The following DPP10 variants were observed in gnomAD, a reference collection of about 807,000 sequenced individuals.
The protein encoded by DPP10 is inactive dipeptidyl peptidase 10.
Under a neutral mutation model 120.9 loss-of-function variants are expected in DPP10, and 33 were observed. That is an observed-to-expected ratio of 0.27 (90% confidence interval 0.21 to 0.37). The LOEUF is 0.37. Among genes scored for constraint, DPP10 ranks in the 10% least tolerant of loss-of-function variants. DPP10 has a pLI of 1.00. For synonymous variants in DPP10, 337 were observed against 326.1 expected (o/e 1.03, Z -0.36); for missense variants, 816 against 942.8 (o/e 0.87, Z 1.76).
intron 5 of DPP10, among the ~76,000 whole-genome samples, chr2:115,666,986 T>C (rs2089506219): frequency 6.6e-6 from 1 of 152,150 alleles, no homozygotes; most frequent in African/African-American, 2.4e-5. Context: ...GGTACCTGCT[T>C]CCCTTTTGCC....
intron 1 of DPP10, among the ~76,000 whole-genome samples, chr2:114,499,978 C>T (rs1683016570): frequency 6.6e-6 from 1 of 152,214 alleles, no homozygotes; most frequent in South Asian, 2.1e-4. Context: ...ACTTAGGATT[C>T]ATCTGTTGTC....
At chr2:115,390,187 GAAATAGGA>G (rs2067228006) in intron 3 of DPP10, among the ~76,000 whole-genome samples, 1 of 152,154 alleles carries the variant, frequency 6.6e-6, no homozygotes, top group South Asian at 2.1e-4. Context: ...ACTTGAGTTG[GAAATAGGA>G]AAAAGGCAAC....
chr2:115,091,793 C>T lies in DPP10; in HGVS notation c.61-217446C>T, dbSNP rs948951284. ...GTTCCGTTTCTCTCCTCTGAGTGTC[C>T]ATGTTTAGCCCACCTGCCTCTGCAT... On this transcript the variant is annotated intron_variant, in intron 1 of 25. Transcript: ENST00000410059. Among the ~76,000 whole-genome samples, 6 of 152,150 alleles carry T rather than the reference C, an allele frequency of 3.9e-5. No homozygotes were observed. In the East Asian group the frequency reaches 9.6e-4, roughly 24 times the overall value.
At chr2:115,297,791 T>C (rs2060954448) in intron 1 of DPP10, among the ~76,000 whole-genome samples, 1 of 152,080 alleles carries the variant, frequency 6.6e-6, no homozygotes, top group Admixed American at 6.6e-5. Flanking sequence ...ATATGCAGCC[T>C]GCTCATCCCC....
intron 3 of DPP10, among the ~76,000 whole-genome samples, chr2:115,366,588 G>A (rs1003308409): frequency 6.6e-6 from 1 of 151,994 alleles, no homozygotes; most frequent in African/African-American, 2.4e-5. Context: ...CTTATCTACC[G>A]AGTCCTTAGG....
intron 1 of DPP10, among the ~76,000 whole-genome samples, chr2:114,892,451 T>C (rs1692619054): frequency 6.6e-6 from 1 of 152,204 alleles, no homozygotes; most frequent in Non-Finnish European, 1.5e-5. Flanking sequence ...ATGAAATCCA[T>C]GGAGATCTTG....
intron 2 of DPP10, among the ~76,000 whole-genome samples, chr2:115,335,387 G>T (rs1007859621): frequency 6.6e-6 from 1 of 151,790 alleles, no homozygotes; most frequent in African/African-American, 2.4e-5. Flanking sequence ...GAGGAAAGAA[G>T]AAACTGTTTT....
chr2:114,456,861 T>G lies in DPP10; in HGVS notation c.60+14023T>G, dbSNP rs983640891. Among the ~76,000 whole-genome samples the G allele has an allele frequency of 5.3e-5, 8 of 152,332 alleles. No homozygotes were observed. The East Asian group carries it at 1.5e-3, about 29-fold the overall frequency. ...GAAGCCAGCATAAAGTGGGGAAATA[T>G]AGGAACAAATATCCTATTACAGTGT... On this transcript the variant is annotated intron_variant, in intron 1 of 25. Transcript: ENST00000410059.
chr2:114,951,949 A>T (rs1396199340), intron 1 of DPP10, among the ~76,000 whole-genome samples: 4 of 152,014 alleles, frequency 2.6e-5, no homozygotes, highest in Admixed American at 2.0e-4. Context: ...TCTGATGTCA[A>T]ATATAAGAAT....
chr2:115,007,762 A>G (rs1701962885), intron 1 of DPP10, among the ~76,000 whole-genome samples: 1 of 150,426 alleles, frequency 6.6e-6, no homozygotes, highest in South Asian at 2.1e-4. Flanking sequence ...CAAAAATCAC[A>G]AGCATTCCTA....
Position 115,836,660 on chromosome 2 carries a change from A to G in DPP10, c.2110-14A>G, listed in dbSNP as rs777148527. 6 of 1,611,380 alleles carry G rather than the reference A, an allele frequency of 3.7e-6. No individual in the cohort carries two copies. In the South Asian group the frequency reaches 5.5e-5, roughly 15 times the overall value. ...TAGATCTATAGATACAGATATTTGT[A>G]TTTTCCTTTATAGGCAGCCAGTGTG... is the stretch of plus-strand genomic sequence containing the variant. On this transcript the variant is annotated splice_polypyrimidine_tract_variant and intron_variant, in intron 23 of 25. Coordinates refer to ENST00000410059, the MANE Select transcript of DPP10 (RefSeq NM_020868.6).
chr2:114,524,932 T>C (rs1160679109), intron 1 of DPP10, among the ~76,000 whole-genome samples: 1 of 152,210 alleles, frequency 6.6e-6, no homozygotes, highest in Non-Finnish European at 1.5e-5. Flanking sequence ...TTCCAATGTT[T>C]TTCTTTAAAT....
chr2:115,177,378 A>AT lies in DPP10; in HGVS notation c.61-131856dup, dbSNP rs567861568. The stretch of plus-strand genomic sequence containing the variant: ...AACCTAAGCATCTGATTTAAGCCTT[A>AT]TTTTTCAGAGGTCTTTGTCATTTTG... On this transcript the variant is annotated intron_variant, in intron 1 of 25. Transcript: ENST00000410059. 5.3e-5 allele frequency among the ~76,000 whole-genome samples: 8 copies of AT among 152,266 alleles called. No homozygotes were observed. The South Asian group carries it at 1.7e-3, about 32-fold the overall frequency.
chr2:115,244,771 T>C (rs148445873), intron 1 of DPP10, among the ~76,000 whole-genome samples: 162 of 150,826 alleles, frequency 1.1e-3, no homozygotes, highest in African/African-American at 3.8e-3. Flanking sequence ...CCTCTGTGTT[T>C]ACCATTGCTA....
intron 1 of DPP10, among the ~76,000 whole-genome samples, chr2:114,757,440 A>T (rs1262178637): frequency 6.7e-6 from 1 of 149,744 alleles, no homozygotes; most frequent in Non-Finnish European, 1.5e-5. Flanking sequence ...GAAGGAAGGA[A>T]AAAAGATTCA....
intron 13 of DPP10, among the ~76,000 whole-genome samples, chr2:115,769,671 G>A (rs571268440): frequency 1.3e-5 from 2 of 151,822 alleles, no homozygotes; most frequent in Non-Finnish European, 2.9e-5. Context: ...ATTTATATAT[G>A]CATTTATAGA....
At chr2:115,129,703 G>C (rs1025529626) in intron 1 of DPP10, among the ~76,000 whole-genome samples, 1 of 152,052 alleles carries the variant, frequency 6.6e-6, no homozygotes, top group Admixed American at 6.6e-5. Flanking sequence ...ATTTTGCTGA[G>C]TCATCCTACT....
chr2:114,925,028 G>A (rs772415202), intron 1 of DPP10, among the ~76,000 whole-genome samples: 1 of 151,994 alleles, frequency 6.6e-6, no homozygotes, highest in Non-Finnish European at 1.5e-5. Context: ...TGGCTAACAC[G>A]GTGAAACCCC....
chr2:114,612,115 C>A (rs1000342660), intron 1 of DPP10, among the ~76,000 whole-genome samples: 1 of 152,152 alleles, frequency 6.6e-6, no homozygotes, highest in Non-Finnish European at 1.5e-5. Context: ...TCTACATCAA[C>A]GTCTCCCTCC....
Sources: allele counts gnomAD v4.1 joint callset (sites outside exome capture counted in the v4.1 genomes callset), GRCh38; gene constraint gnomAD v4.1.1; transcripts MANE v1.5; gene names NCBI Gene and HGNC (gene_info 2026-07-23, HGNC 2026-07-21).